Variants in LRMDA observed in about 807,000 individuals in gnomAD.
LRMDA encodes the protein leucine rich melanocyte differentiation associated.
In LRMDA, 18 loss-of-function variants were observed where a neutral mutation model predicts 29.8. That is an observed-to-expected ratio of 0.60 (90% CI 0.42 to 0.90). The LOEUF is 0.90. Ranked by LOEUF, LRMDA falls within the 40% of genes least tolerant of loss-of-function variation. LRMDA has a pLI of 0.00. For missense variants in LRMDA, 273 were observed against 273.9 expected (o/e 1.00, Z 0.02); for synonymous variants, 125 against 109.4 (o/e 1.14, Z -0.89).
At chr10:76,179,949 G>C (rs1241518526) in intron 5 of LRMDA, among the ~76,000 whole-genome samples, 2 of 152,154 alleles carry the variant, frequency 1.3e-5, no homozygotes, top group African/African-American at 4.8e-5. Flanking sequence ...AACGCTGAAG[G>C]TATCAGTTTC....
chr10:76,159,177 T>C (rs1850597830), intron 5 of LRMDA, among the ~76,000 whole-genome samples: 1 of 152,168 alleles, frequency 6.6e-6, no homozygotes, highest in African/African-American at 2.4e-5. Flanking sequence ...AAAACAACCA[T>C]CTAACATTCT....
chr10:75,966,995 C>G (rs1846872911), intron 2 of LRMDA, among the ~76,000 whole-genome samples: 1 of 152,220 alleles, frequency 6.6e-6, no homozygotes, highest in Non-Finnish European at 1.5e-5. Context: ...TGTGACAAAG[C>G]CAGTGAGTTG....
intron 2 of LRMDA, among the ~76,000 whole-genome samples, chr10:75,563,113 C>G (rs987373796): frequency 6.6e-6 from 1 of 152,046 alleles, no homozygotes; most frequent in African/African-American, 2.4e-5. Flanking sequence ...TGGATAATAT[C>G]CTGCAGAGTG....
chr10:75,667,163 C>A (rs1241976304), intron 2 of LRMDA, among the ~76,000 whole-genome samples: 1 of 151,756 alleles, frequency 6.6e-6, no homozygotes, highest in African/African-American at 2.4e-5. Flanking sequence ...TATATTATTT[C>A]TCTACTTTCT....
At chr10:76,430,520 T>C (rs1842179694) in intron 6 of LRMDA, among the ~76,000 whole-genome samples, 1 of 152,206 alleles carries the variant, frequency 6.6e-6, no homozygotes, top group Admixed American at 6.5e-5. Context: ...AATTAGCCAC[T>C]GCATCCTCTC....
chr10:75,685,905 G>C (rs1388717015), intron 2 of LRMDA, among the ~76,000 whole-genome samples: 1 of 152,222 alleles, frequency 6.6e-6, no homozygotes, highest in African/African-American at 2.4e-5. Flanking sequence ...CTATATGCCA[G>C]CTACAGTTCT....
At chr10:75,516,132 CTT>C (rs960525634) in intron 2 of LRMDA, among the ~76,000 whole-genome samples, 30 of 152,288 alleles carry the variant, frequency 2.0e-4, no homozygotes, top group African/African-American at 6.3e-4. Context: ...GGTTCCAAGT[CTT>C]TGCTATTGTG....
chr10:76,546,898 G>A (rs1843426669), intron 6 of LRMDA, among the ~76,000 whole-genome samples: 1 of 152,136 alleles, frequency 6.6e-6, no homozygotes, highest in Non-Finnish European at 1.5e-5. Flanking sequence ...CTTGACCCAT[G>A]TACCAGAGAC....
At chr10:76,255,889 G>A (rs919900780) in intron 5 of LRMDA, among the ~76,000 whole-genome samples, 1 of 152,176 alleles carries the variant, frequency 6.6e-6, no homozygotes, top group Non-Finnish European at 1.5e-5. Flanking sequence ...AGATACAACT[G>A]ACCAGCTATA....
At chr10:75,691,120 AT>A (rs1160701086) in intron 2 of LRMDA, among the ~76,000 whole-genome samples, 1 of 80,790 alleles carries the variant, frequency 1.2e-5, no homozygotes, top group Non-Finnish European at 2.2e-5. Context: ...CTATATATCT[AT>A]ATACATAGAT....
At chr10:75,459,835 G>A (rs577784049) in intron 2 of LRMDA, among the ~76,000 whole-genome samples, 1 of 152,332 alleles carries the variant, frequency 6.6e-6, no homozygotes, top group Admixed American at 6.5e-5. Flanking sequence ...AAGAGAGCAA[G>A]TGATTGAACT....
intron 2 of LRMDA, among the ~76,000 whole-genome samples, chr10:75,705,786 A>G (rs989412940): frequency 2.6e-5 from 4 of 152,236 alleles, no homozygotes; most frequent in African/African-American, 9.6e-5. Flanking sequence ...TTGAAAGCCA[A>G]GAAGCAGTGG....
chr10:75,708,069 G>A lies in LRMDA; in HGVS notation c.131+269575G>A, dbSNP rs185487267. 1.3e-3 allele frequency among the ~76,000 whole-genome samples: 199 copies of A among 152,258 alleles called. 2 individuals carry two copies. The highest frequency in any genetic ancestry group is 6.2e-4 in the South Asian group (3 of 4,810). On this transcript the variant is annotated intron_variant, in intron 2 of 6. Transcript: ENST00000611255. ...CTAGTGTTTTCACTTAAGATGAGGAGTGATGAGCCAAAGGTTTCAGGCTCA... is the reference window on the plus strand; with the variant it reads ...CTAGTGTTTTCACTTAAGATGAGGAATGATGAGCCAAAGGTTTCAGGCTCA...
At chr10:75,746,735 G>C (rs1589184430) in intron 2 of LRMDA, among the ~76,000 whole-genome samples, 2 of 152,060 alleles carry the variant, frequency 1.3e-5, no homozygotes, top group East Asian at 3.9e-4. Flanking sequence ...TTTGGGGGGG[G>C]AGCTTATATT....
At chr10:75,978,363 G>A (rs1461480248) in intron 2 of LRMDA, among the ~76,000 whole-genome samples, 3 of 152,136 alleles carry the variant, frequency 2.0e-5, no homozygotes, top group Non-Finnish European at 4.4e-5. Flanking sequence ...TTGTGCTCTT[G>A]TCATTCTGTG....
intron 2 of LRMDA, among the ~76,000 whole-genome samples, chr10:75,842,128 G>C (rs1844551887): frequency 6.6e-6 from 1 of 152,198 alleles, no homozygotes; most frequent in Admixed American, 6.5e-5. Context: ...ATGGTCTGCT[G>C]CCTCTTTTCA....
At chr10:76,036,989 G>A (rs565727405) in intron 3 of LRMDA, among the ~76,000 whole-genome samples, 1 of 152,316 alleles carries the variant, frequency 6.6e-6, no homozygotes, top group South Asian at 2.1e-4. Context: ...ATATTTGAGG[G>A]ATGAATGCAT....
intron 2 of LRMDA, among the ~76,000 whole-genome samples, chr10:75,512,896 A>G (rs1415457330): frequency 1.3e-5 from 2 of 152,216 alleles, no homozygotes; most frequent in Non-Finnish European, 1.5e-5. Context: ...CTTGTTAAAC[A>G]AAATTTGACA....
chr10:75,618,384 A>C (rs3012039), intron 2 of LRMDA, among the ~76,000 whole-genome samples: 7,854 of 53,222 alleles, frequency 0.15, 199 homozygotes, highest in African/African-American at 0.21. Flanking sequence ...CTCTCTCTCT[A>C]TATATATATA....
Sources: gnomAD v4.1 joint callset for allele counts (sites outside exome capture counted in the v4.1 genomes callset) on GRCh38, gnomAD v4.1.1 for gene constraint, MANE v1.5 for transcripts, NCBI Gene and HGNC (gene_info 2026-07-23, HGNC 2026-07-21) for gene names.